The following MIA2 variants were observed in gnomAD, a reference collection of about 807,000 sequenced individuals.
MIA2 encodes melanoma inhibitory activity protein 2.
A neutral mutation model predicts 167.8 loss-of-function variants in MIA2; 127 were observed. The observed-to-expected ratio is 0.76, with a 90% CI of 0.66 to 0.88. The LOEUF is 0.88. MIA2 is among the 40% of genes least tolerant of loss of function. MIA2 has a pLI of 0.00. For missense variants in MIA2, 1,690 were observed against 1,624.7 expected (o/e 1.04, Z -0.69); for synonymous variants, 552 against 541.9 (o/e 1.02, Z -0.26).
intron 25 of MIA2, among the ~76,000 whole-genome samples, chr14:39,342,301 G>A (rs991466039): frequency 1.3e-5 from 2 of 151,860 alleles, no homozygotes; most frequent in Admixed American, 1.3e-4. Context: ...TGAGAATGAT[G>A]GTTTCCAGCT....
At chr14:39,288,544 A>C (rs1481228940) in intron 9 of MIA2, among the ~76,000 whole-genome samples, 1 of 141,768 alleles carries the variant, frequency 7.1e-6, no homozygotes, top group Admixed American at 7.4e-5. Context: ...GTGTGATCTC[A>C]GCACACTGCA....
At chr14:39,277,266 C>T (rs1481023012) in intron 7 of MIA2, among the ~76,000 whole-genome samples, 1 of 151,830 alleles carries the variant, frequency 6.6e-6, no homozygotes, top group Non-Finnish European at 1.5e-5. Flanking sequence ...TGGCTCCCAC[C>T]TCTAATCCCA....
intron 25 of MIA2, among the ~76,000 whole-genome samples, chr14:39,343,645 A>T (rs904676802): frequency 6.6e-6 from 1 of 151,900 alleles, no homozygotes; most frequent in Admixed American, 6.6e-5. Context: ...CATGTCTTCT[A>T]TTATAAGCGT....
At chr14:39,323,071 C>G (rs1365745941) in intron 24 of MIA2, among the ~76,000 whole-genome samples, 1 of 152,194 alleles carries the variant, frequency 6.6e-6, no homozygotes, top group East Asian at 1.9e-4. Context: ...GCTGCCATTA[C>G]TCCACATATT....
chr14:39,274,872 T>G (rs2057719345), intron 6 of MIA2, among the ~76,000 whole-genome samples: 1 of 148,742 alleles, frequency 6.7e-6, no homozygotes, highest in Admixed American at 6.7e-5. Context: ...GTCAGGAGTT[T>G]GAGACCAGTC....
At chr14:39,255,670 T>C (rs4902459) in intron 6 of MIA2, among the ~76,000 whole-genome samples, 88,789 of 152,078 alleles carry the variant, frequency 0.58, 27,901 homozygotes, top group African/African-American at 0.83. Flanking sequence ...GACCTCTTAA[T>C]CCCCTCCTCC....
At chr14:39,343,653 C>T (rs149756575) in intron 25 of MIA2, among the ~76,000 whole-genome samples, 4 of 151,748 alleles carry the variant, frequency 2.6e-5, no homozygotes, top group South Asian at 4.2e-4. Flanking sequence ...CTATTATAAG[C>T]GTAGAATACT....
chr14:39,277,717 T>G (rs1594917515), intron 7 of MIA2, among the ~76,000 whole-genome samples: 2 of 3,540 alleles, frequency 5.6e-4, no homozygotes, highest in Non-Finnish European at 1.0e-3. Context: ...TATATATATG[T>G]GTGTATATAT....
chr14:39,343,402 C>T (rs1385350762), intron 25 of MIA2, among the ~76,000 whole-genome samples: 1 of 152,176 alleles, frequency 6.6e-6, no homozygotes, highest in Non-Finnish European at 1.5e-5. Context: ...CTGCCTTGGC[C>T]TCTCAAAGTG....
intron 21 of MIA2, among the ~76,000 whole-genome samples, chr14:39,316,089 T>A (rs1313657230): frequency 6.6e-6 from 1 of 152,242 alleles, no homozygotes; most frequent in Non-Finnish European, 1.5e-5. Flanking sequence ...TGGGATTAGA[T>A]TAAGTGATCT....
chr14:39,267,211 G>A (rs976140579), intron 6 of MIA2: 16 of 1,334,684 alleles, frequency 1.2e-5, no homozygotes, highest in African/African-American at 1.5e-5. Context: ...GCTTGTGCGG[G>A]TCGGGCTCGG....
chr14:39,357,952 G>A (rs2074573563), intron 23 of MIA2, among the ~76,000 whole-genome samples: 1 of 152,176 alleles, frequency 6.6e-6, no homozygotes, highest in Non-Finnish European at 1.5e-5. Flanking sequence ...CCCTTTGTGG[G>A]TAACCCGACC....
intron 23 of MIA2, among the ~76,000 whole-genome samples, chr14:39,365,685 A>ATCTG (rs1483334854): frequency 7.2e-6 from 1 of 139,094 alleles, no homozygotes; most frequent in Admixed American, 6.9e-5. Context: ...CTATCTATCT[A>ATCTG]TCTATCTATC....
intron 4 of MIA2, 70 bp downstream of exon 4, chr14:39,248,211 T>A (rs1414947517): frequency 2.6e-6 from 3 of 1,139,512 alleles, no homozygotes; most frequent in South Asian, 3.0e-5. Flanking sequence ...TAAGTGCAAA[T>A]CAGATGAAAA....
At chr14:39,365,165 A>C (rs1032794488) in intron 23 of MIA2, among the ~76,000 whole-genome samples, 7 of 152,022 alleles carry the variant, frequency 4.6e-5, no homozygotes, top group Non-Finnish European at 7.4e-5. Context: ...TCCCAAGTTC[A>C]AGCAATCCTC....
intron 9 of MIA2, 95 bp downstream of exon 9, chr14:39,279,632 C>T: frequency 1.3e-6 from 1 of 785,098 alleles, no homozygotes; most frequent in South Asian, 1.8e-5. Flanking sequence ...ATTATGAATG[C>T]TTTGTTTGCA....
At chr14:39,352,418 T>TAA (rs557844471), downstream of MIA2, among the ~76,000 whole-genome samples, 28 of 152,066 alleles carry the variant, frequency 1.8e-4, no homozygotes, top group Admixed American at 1.8e-3. Context: ...AGTAAAATCT[T>TAA]AAAAAAGGAT....
chr14:39,300,927 T>TAC (rs1555378170), intron 14 of MIA2, among the ~76,000 whole-genome samples: 11 of 94,848 alleles, frequency 1.2e-4, no homozygotes, highest in East Asian at 6.9e-4. Flanking sequence ...TATATATATA[T>TAC]ACACACACAT....
chr14:39,284,903 C>T (rs544728439), intron 9 of MIA2, among the ~76,000 whole-genome samples: 2,207 of 152,088 alleles, frequency 0.015, 30 homozygotes, highest in African/African-American at 0.041. Flanking sequence ...TGCGGTCTTC[C>T]GCAGTGTTTG....
Sources: allele counts gnomAD v4.1 joint callset (sites outside exome capture counted in the v4.1 genomes callset), GRCh38; gene constraint gnomAD v4.1.1; transcripts MANE v1.5; gene names NCBI Gene and HGNC (gene_info 2026-07-23, HGNC 2026-07-21).